EVI5L: variants seen among roughly 807,000 people sequenced by gnomAD.
The protein encoded by EVI5L is EVI5-like protein.
In EVI5L, 30 loss-of-function variants were observed where a neutral mutation model predicts 106.1. The ratio of observed to expected loss-of-function variants is 0.28; its 90% CI spans 0.21 to 0.38. The LOEUF (loss-of-function observed/expected upper bound fraction) is 0.38. EVI5L is among the 10% of genes least tolerant of loss of function. The pLI, the probability that EVI5L is intolerant of heterozygous loss-of-function variation, is 1.00. For synonymous variants in EVI5L, 489 were observed against 483.3 expected (o/e 1.01, Z -0.15); for missense variants, 809 against 1,098.0 (o/e 0.74, Z 3.72).
At chr19:7,862,907 TCCCGCCCCCTGATGCG>T (rs1206109328) in intron 17 of EVI5L, 49 bp from the exon 18 acceptor site, 91 of 1,164,142 alleles carry the variant, frequency 7.8e-5, no homozygotes, top group Non-Finnish European at 1.0e-4. Context: ...CTGCCCGCGG[TCCCGCCCCCTGATGCG>T]CCGCGCCCCC....
chr19:7,859,989 G>A (rs1979723015), intron 13 of EVI5L, among the ~76,000 whole-genome samples: 1 of 152,202 alleles, frequency 6.6e-6, no homozygotes, highest in Admixed American at 6.5e-5. Context: ...CCCACCCCAG[G>A]GACCAGGTGT....
At chr19:7,843,645 AGT>A (rs1315439826) in intron 1 of EVI5L, among the ~76,000 whole-genome samples, 2 of 125,154 alleles carry the variant, frequency 1.6e-5, no homozygotes, top group East Asian at 4.9e-4. Context: ...GTGTGTGTCG[AGT>A]GTGTGCATGT....
At position 7,862,530 on chromosome 19, in the gene EVI5L, G is replaced by A. The variant is rs773185027; in HGVS notation, c.1943G>A (p.Cys648Tyr). The change falls in exon 17 of 20, where the codon TGC becomes TAC. Residue 648 changes from cysteine (C) to tyrosine (Y), a missense_variant. Physicochemically the swap from Cys to Tyr is radical, Grantham distance 194. This residue lies in a region of EVI5L where 452 missense variants were observed against 509.9 expected (regional missense o/e 0.89). Coordinates refer to ENST00000538904, the MANE Select transcript of EVI5L (RefSeq NM_001159944.3). ...ESRRKQAEAECKSKEEVMAVR... is the reference protein window; with the variant it reads ...ESRRKQAEAEYKSKEEVMAVR... Reference sequence around the variant, plus strand: ...CGCCGCAAGCAGGCCGAGGCCGAGTGCAAGGTGCAGACCCCCGCGGCCCCG... The same window carrying A: ...CGCCGCAAGCAGGCCGAGGCCGAGTACAAGGTGCAGACCCCCGCGGCCCCG... 4.6e-6 allele frequency: 7 copies of A among 1,525,304 alleles called. No individual in the cohort carries two copies. In the Admixed American group the frequency reaches 6.3e-5, roughly 14 times the overall value. 94.5% of individuals were successfully genotyped at this position (1,525,304 alleles called of 1,614,324 possible).
At chr19:7,853,565 C>T (rs768328954) in intron 10 of EVI5L, 4 of 599,212 alleles carry the variant, frequency 6.7e-6, no homozygotes, top group Admixed American at 6.0e-5. Flanking sequence ...GTCCCTGCCC[C>T]GCTGGGCCGC....
intron 9 of EVI5L, 30 bp downstream of exon 9, chr19:7,853,213 G>A: frequency 6.2e-7 from 1 of 1,614,030 alleles, no homozygotes; most frequent in East Asian, 2.2e-5. Context: ...CCAGGGTACT[G>A]GTAAGAAGGG....
At position 7,863,147 on chromosome 19, in the gene EVI5L, C is replaced by T. The variant is rs1010238260; in HGVS notation, c.2044-38C>T. 9 of 1,544,246 alleles carry T rather than the reference C, an allele frequency of 5.8e-6. No homozygotes were observed. The African/African-American group carries it at 6.9e-5, about 12-fold the overall frequency. On this transcript the variant is annotated intron_variant, in intron 18 of 19. Coordinates refer to ENST00000538904, the MANE Select transcript of EVI5L (RefSeq NM_001159944.3). The surrounding 1 kb of genome is among the most constrained non-coding windows in gnomAD (Gnocchi z 7.7). ...GAGCGGGGCCGGACCCCAGGCCCAG[C>T]ATGGCACTGGCCCCGCGTGACCTGG...
chr19:7,841,184 G>A (rs1978584993), intron 1 of EVI5L, among the ~76,000 whole-genome samples: 1 of 152,084 alleles, frequency 6.6e-6, no homozygotes, highest in African/African-American at 2.4e-5. Flanking sequence ...GGTGGGCTGG[G>A]GGCTGATGGA....
At chr19:7,841,326 A>G (rs1978593054) in intron 1 of EVI5L, among the ~76,000 whole-genome samples, 1 of 152,068 alleles carries the variant, frequency 6.6e-6, no homozygotes. Context: ...GGAGGGACCC[A>G]GGGAGGAAGA....
rs1979522364 is a variant in EVI5L at position 7,856,332 on chromosome 19, T to G, written c.1200+264T>G. 6.6e-6 allele frequency among the ~76,000 whole-genome samples: 1 copy of G among 151,946 alleles called. No homozygotes were observed. The highest frequency in any genetic ancestry group is 2.4e-5 in the African/African-American group (1 of 41,366). On this transcript the variant is annotated intron_variant, in intron 11 of 19. Coordinates refer to ENST00000538904, the MANE Select transcript of EVI5L (RefSeq NM_001159944.3). This position sits in a 1 kb window ranked among gnomAD's most constrained non-coding sequence, Gnocchi z 6.6. ...GCCACGGGAATCCATTTGTGTTCTGTGCCCTCCCCGGCTGCACAGACGGGG... is the reference window on the plus strand; with the variant it reads ...GCCACGGGAATCCATTTGTGTTCTGGGCCCTCCCCGGCTGCACAGACGGGG...
Position 7,863,671 on chromosome 19 carries a change from C to A in EVI5L, c.2387C>A (p.Ala796Asp). The change falls in exon 20 of 20, where the codon GCC becomes GAC. Residue 796 changes from alanine to aspartate, a missense_variant. By Grantham distance (126) the Ala-to-Asp change is moderately radical. This residue lies in a region of EVI5L where 452 missense variants were observed against 509.9 expected (regional missense o/e 0.89). Coordinates refer to ENST00000538904, the MANE Select transcript of EVI5L (RefSeq NM_001159944.3). This position sits in a 1 kb window ranked among gnomAD's most constrained non-coding sequence, Gnocchi z 7.7. ...GSSDSDADEL[A>D]APYSQGLDN ...TCAGACAGCGACGCCGATGAGCTGG[C>A]CGCGCCCTACAGCCAGGGTCTGGAC... 6.5e-7 allele frequency: 1 copy of A among 1,528,524 alleles called. No individual in the cohort carries two copies. The highest frequency in any genetic ancestry group is 8.8e-7 in the Non-Finnish European group (1 of 1,140,182). The allele number at this position is 1,528,524 out of a possible 1,614,324, so 94.7% of individuals were successfully genotyped here.
rs988746050 is a variant in EVI5L, at chr19:7,845,650, G to C, written c.-47-846G>C. On this transcript the variant is annotated intron_variant, in intron 1 of 19. Coordinates refer to ENST00000538904, the MANE Select transcript of EVI5L (RefSeq NM_001159944.3). The surrounding 1 kb of genome is among the most constrained non-coding windows in gnomAD (Gnocchi z 4.0). The stretch of plus-strand genomic sequence containing the variant: ...TGAGGGGAGCCATGCTTCAGACGCA[G>C]ATCCATTTGAGCCCAGTACCTTTGT... Among the ~76,000 whole-genome samples the C allele has an allele frequency of 2.6e-4, 40 of 152,240 alleles. 1 individual carries two copies. Among genetic ancestry groups the C allele is most frequent in the Non-Finnish European group, 5.9e-5 (4 of 68,048 alleles).
At chr19:7,847,458 GCA>G (rs1979005783) in intron 2 of EVI5L, among the ~76,000 whole-genome samples, 1 of 151,998 alleles carries the variant, frequency 6.6e-6, no homozygotes, top group Admixed American at 6.6e-5. Flanking sequence ...GTGGTGGCAT[GCA>G]CCTGTAATCC....
chr19:7,837,774 G>A (rs188091542), intron 1 of EVI5L, among the ~76,000 whole-genome samples: 1 of 152,184 alleles, frequency 6.6e-6, no homozygotes, highest in East Asian at 1.9e-4. Context: ...TGCAGTCTCG[G>A]CTCACCACAA....
At chr19:7,860,334 G>A (rs1979737905) in intron 13 of EVI5L, among the ~76,000 whole-genome samples, 1 of 152,174 alleles carries the variant, frequency 6.6e-6, no homozygotes, top group African/African-American at 2.4e-5. Flanking sequence ...CTTTCAGAAT[G>A]TCCCCTCTGT....
At position 7,858,587 on chromosome 19, in the gene EVI5L, C is replaced by G. The variant is rs959841521; in HGVS notation, c.1374+256C>G. The G allele has an allele frequency of 1.9e-6, 1 of 535,002 alleles. No individual in the cohort carries two copies. The highest frequency in any genetic ancestry group is 1.9e-5 in the African/African-American group (1 of 51,466). The allele number at this position is 535,002 out of a possible 1,614,324, so 33.1% of individuals were successfully genotyped here. On this transcript the variant is annotated intron_variant, in intron 13 of 19. Coordinates refer to ENST00000538904, the MANE Select transcript of EVI5L (RefSeq NM_001159944.3). The surrounding 1 kb of genome is among the most constrained non-coding windows in gnomAD (Gnocchi z 5.7). Reference sequence around the variant, plus strand: ...CTGACTTCCCAACCCCCAGCCTCAGCACGGAGGCCTCTGAAGACCGGGCTG... The same window carrying G: ...CTGACTTCCCAACCCCCAGCCTCAGGACGGAGGCCTCTGAAGACCGGGCTG...
intron 10 of EVI5L, among the ~76,000 whole-genome samples, chr19:7,854,930 C>T (rs1274065123): frequency 1.3e-5 from 2 of 152,050 alleles, no homozygotes; most frequent in African/African-American, 4.8e-5. Context: ...CAGAAGAAAC[C>T]CAGGAAATAT....
In EVI5L at chr19:7,857,293, G is replaced by A. The variant is rs768591891; in HGVS notation, c.1233+169G>A. 5.7e-6 allele frequency: 5 copies of A among 871,582 alleles called. No individual in the cohort carries two copies. The highest frequency in any genetic ancestry group is 7.3e-6 in the Non-Finnish European group (4 of 550,188). The allele number at this position is 871,582 out of a possible 1,614,324, so 54.0% of individuals were successfully genotyped here. A position where few individuals can be genotyped will look rare whatever the true frequency, so the allele number is the denominator to read the frequency against. ...GGGGACACAGAGGCTTCCCGGGGGG[G>A]CGGGGCATGTGAAGTGGGGAGAAGG... is the stretch of plus-strand genomic sequence containing the variant. On this transcript the variant is annotated intron_variant, in intron 12 of 19. Transcript: ENST00000538904. This position sits in a 1 kb window ranked among gnomAD's most constrained non-coding sequence, Gnocchi z 4.5.
At position 7,863,593 on chromosome 19, in the gene EVI5L, A is replaced by G; in HGVS notation, c.2309A>G (p.Asp770Gly). The change falls in exon 20 of 20, where the codon GAT becomes GGT. Residue 770 changes from aspartate (D) to glycine (G), a missense_variant. Asp to Gly is a moderately conservative substitution (Grantham distance 94). This residue lies in a region of EVI5L where 452 missense variants were observed against 509.9 expected (regional missense o/e 0.89). Transcript: ENST00000538904. The surrounding 1 kb of genome is among the most constrained non-coding windows in gnomAD (Gnocchi z 7.7). ...QDALYPLSPRDARFFRRLERP... is the reference protein window; with the variant it reads ...QDALYPLSPRGARFFRRLERP... The stretch of plus-strand genomic sequence containing the variant: ...GCATTGTACCCTCTGTCCCCGCGCG[A>G]TGCGCGCTTCTTCCGCCGTCTGGAG... 1 of 1,584,296 alleles carries G rather than the reference A, an allele frequency of 6.3e-7. No individual in the cohort carries two copies. Among genetic ancestry groups the G allele is most frequent in the South Asian group, 1.1e-5 (1 of 87,160 alleles).
At chr19:7,847,641 A>T in intron 2 of EVI5L, 91 bp from the exon 3 acceptor site, 1 of 1,329,192 alleles carries the variant, frequency 7.5e-7, no homozygotes, top group Non-Finnish European at 1.0e-6. Flanking sequence ...GTCCTCTAAG[A>T]CCCCCAGGAG....
Sources: gnomAD v4.1 joint callset for allele counts (sites outside exome capture counted in the v4.1 genomes callset) on GRCh38, gnomAD v4.1.1 for gene constraint, gnomAD v4.1.1 regional missense constraint, Gnocchi (gnomAD v3.1) non-coding constraint, MANE v1.5 for transcripts, NCBI Gene and HGNC (gene_info 2026-07-23, HGNC 2026-07-21) for gene names.